The following RIMS4 variants were observed in gnomAD, a reference collection of about 807,000 sequenced individuals.
The protein encoded by RIMS4 is regulating synaptic membrane exocytosis protein 4.
In RIMS4, 9 loss-of-function variants were observed where a neutral mutation model predicts 29.0. That is an observed-to-expected ratio of 0.31 (90% CI 0.19 to 0.54). The LOEUF (loss-of-function observed/expected upper bound fraction) is 0.54, where lower values mean the gene tolerates loss of function less well. Among genes scored for constraint, RIMS4 ranks in the 20% least tolerant of loss-of-function variants. The pLI is 0.94. For synonymous variants in RIMS4, 130 were observed against 152.9 expected, an observed-to-expected ratio of 0.85 and a Z score of 1.10; for missense variants, 193 against 365.7, an observed-to-expected ratio of 0.53 and a Z score of 3.85.
At chr20:44,787,561 G>A (rs900831197) in intron 1 of RIMS4, among the ~76,000 whole-genome samples, 1 of 152,088 alleles carries the variant, frequency 6.6e-6, no homozygotes, top group East Asian at 1.9e-4. Context: ...CTGGCTTGCT[G>A]ATCACACCCT....
chr20:44,756,859 G>A lies in RIMS4; in HGVS notation c.591+39C>T, dbSNP rs780064724. 3.6e-5 allele frequency: 57 copies of A among 1,603,202 alleles called. No individual in the cohort carries two copies. In the East Asian group the frequency reaches 3.8e-4, roughly 11 times the overall value. On this transcript the variant is annotated intron_variant, in intron 5 of 5. Transcript: ENST00000372851. The surrounding 1 kb of genome is among the most constrained non-coding windows in gnomAD (Gnocchi z 5.9). ...ATTCTGGTACTGTGCATGTGTGCTC[G>A]TGCACACACACACACGTGAGCGCGT...
chr20:44,771,449 A>G, intron 1 of RIMS4, 36 bp from the exon 2 acceptor site: 1 of 1,590,596 alleles, frequency 6.3e-7, no homozygotes, highest in African/African-American at 1.3e-5. Context: ...ATGGGAAGAG[A>G]GACACAGGTG....
intron 1 of RIMS4, among the ~76,000 whole-genome samples, chr20:44,802,504 A>C (rs1221062730): frequency 6.6e-6 from 1 of 152,146 alleles, no homozygotes; most frequent in East Asian, 1.9e-4. Context: ...AGGGTCTCTC[A>C]CACCTACATC....
At chr20:44,772,837 C>T (rs867656689) in intron 1 of RIMS4, among the ~76,000 whole-genome samples, 13 of 152,166 alleles carry the variant, frequency 8.5e-5, no homozygotes, top group Admixed American at 6.5e-5. Context: ...GCTGGGCCTG[C>T]GTACAGGAGC....
chr20:44,795,774 G>C (rs2066252339), intron 1 of RIMS4, among the ~76,000 whole-genome samples: 1 of 152,160 alleles, frequency 6.6e-6, no homozygotes, highest in Admixed American at 6.5e-5. Flanking sequence ...TTTACACAGA[G>C]AGAAACAGAA....
At chr20:44,787,329 G>A (rs976469081) in intron 1 of RIMS4, among the ~76,000 whole-genome samples, 2 of 152,094 alleles carry the variant, frequency 1.3e-5, no homozygotes, top group Non-Finnish European at 2.9e-5. Flanking sequence ...TGACAATGAC[G>A]ATGTGATGAT....
chr20:44,796,264 A>T (rs2066254807), intron 1 of RIMS4, among the ~76,000 whole-genome samples: 1 of 151,946 alleles, frequency 6.6e-6, no homozygotes, highest in East Asian at 1.9e-4. Context: ...TCGGATTATT[A>T]GTTGCTTCTT....
chr20:44,773,818 G>A (rs914407260), intron 1 of RIMS4, among the ~76,000 whole-genome samples: 6 of 152,284 alleles, frequency 3.9e-5, no homozygotes, highest in Non-Finnish European at 8.8e-5. Context: ...CAGTCAGAAG[G>A]CCCAGGTATG....
intron 1 of RIMS4, among the ~76,000 whole-genome samples, chr20:44,805,166 G>A (rs2066293360): frequency 6.6e-6 from 1 of 151,916 alleles, no homozygotes; most frequent in South Asian, 2.1e-4. Context: ...ATTAGCCAGG[G>A]GTGGTGGTGC....
At chr20:44,780,590 T>C (rs540268472) in intron 1 of RIMS4, among the ~76,000 whole-genome samples, 2 of 152,330 alleles carry the variant, frequency 1.3e-5, no homozygotes, top group African/African-American at 4.8e-5. Context: ...GCACTCATCA[T>C]TTCATGTAAT....
chr20:44,788,312 G>C (rs1051149745), intron 1 of RIMS4, among the ~76,000 whole-genome samples: 18 of 152,230 alleles, frequency 1.2e-4, no homozygotes, highest in African/African-American at 3.4e-4. Context: ...CCTGTGACTA[G>C]TGGCTACAGT....
chr20:44,757,028 A>C lies in RIMS4; in HGVS notation c.461T>G (p.Ile154Ser). The change falls in exon 5 of 6, where the codon ATC becomes AGC. Residue 154 changes from isoleucine (I) to serine (S), a missense_variant. Physicochemically the swap from Ile to Ser is moderately radical, Grantham distance 142 (BLOSUM62 -2). Transcript: ENST00000372851. ...GCCATTCTCTAGCAGGTAGGCCTTG[A>C]TGTAGGCCGCTGGGGATAGAGGCCA... ...PGSKTLPAAY[I>S]KAYLLENGIC... The C allele has an allele frequency of 6.2e-7, 1 of 1,613,766 alleles. No individual in the cohort carries two copies. Among genetic ancestry groups the C allele is most frequent in the Non-Finnish European group, 8.5e-7 (1 of 1,179,790 alleles).
intron 2 of RIMS4, among the ~76,000 whole-genome samples, chr20:44,768,956 G>A (rs1324882411): frequency 6.6e-6 from 1 of 152,182 alleles, no homozygotes; most frequent in East Asian, 1.9e-4. Flanking sequence ...TCTTTTACAT[G>A]TATTAACATA....
At position 44,756,458 on chromosome 20, in the gene RIMS4, T is replaced by C; in HGVS notation, c.592-106A>G. On this transcript the variant is annotated intron_variant, in intron 5 of 5. Transcript: ENST00000372851. The surrounding 1 kb of genome is among the most constrained non-coding windows in gnomAD (Gnocchi z 5.9). Reference sequence around the variant, plus strand: ...CCCAATCCAGCTCAGTCCTGTGATTTCTACCTCCTTAAAACTGCAATTCCT... The same window carrying C: ...CCCAATCCAGCTCAGTCCTGTGATTCCTACCTCCTTAAAACTGCAATTCCT... The C allele has an allele frequency of 1.1e-6, 1 of 871,472 alleles. No homozygotes were observed. The highest frequency in any genetic ancestry group is 1.8e-6 in the Non-Finnish European group (1 of 555,724). 54.0% of individuals were successfully genotyped at this position (871,472 alleles called of 1,614,324 possible). A position where few individuals can be genotyped will look rare whatever the true frequency, so the allele number is the denominator to read the frequency against.
chr20:44,788,829 A>G (rs1014888170), intron 1 of RIMS4, among the ~76,000 whole-genome samples: 2 of 152,136 alleles, frequency 1.3e-5, no homozygotes, highest in Non-Finnish European at 2.9e-5. Context: ...TGATGCTGAT[A>G]ACAGTGACTG....
At chr20:44,770,123 T>C (rs748432250) in intron 2 of RIMS4, among the ~76,000 whole-genome samples, 3 of 152,136 alleles carry the variant, frequency 2.0e-5, no homozygotes, top group Non-Finnish European at 4.4e-5. Flanking sequence ...GCCTCAGTCT[T>C]CCCATGTGCA....
intron 4 of RIMS4, 78 bp downstream of exon 4, chr20:44,757,592 C>A: frequency 8.3e-7 from 1 of 1,212,066 alleles, no homozygotes. Context: ...AATTTTCTCT[C>A]TTCAAGGCCC....
rs1433152112 is a variant in RIMS4 at position 44,751,884 on chromosome 20, C to G, written c.*4250G>C. 6.6e-6 allele frequency: 1 copy of G among 152,240 alleles called. No homozygotes were observed. The highest frequency in any genetic ancestry group is 1.5e-5 in the Non-Finnish European group (1 of 68,082). 9.4% of individuals were successfully genotyped at this position (152,240 alleles called of 1,614,324 possible). ...CAATGCAACGCGACCCCACTCCAACCCAAGGGCCCCAGAAACCCTCCCTCC... is the reference window on the plus strand; with the variant it reads ...CAATGCAACGCGACCCCACTCCAACGCAAGGGCCCCAGAAACCCTCCCTCC... On this transcript the variant is annotated 3_prime_UTR_variant, in exon 6 of 6. Coordinates refer to ENST00000372851, the MANE Select transcript of RIMS4 (RefSeq NM_182970.4).
chr20:44,781,198 A>T (rs2066182982), intron 1 of RIMS4, among the ~76,000 whole-genome samples: 1 of 152,196 alleles, frequency 6.6e-6, no homozygotes, highest in Non-Finnish European at 1.5e-5. Flanking sequence ...TCAGGGCCAG[A>T]TCCTGTGCGG....
Sources: gnomAD v4.1 joint callset for allele counts (sites outside exome capture counted in the v4.1 genomes callset) on GRCh38, gnomAD v4.1.1 for gene constraint, Gnocchi (gnomAD v3.1) non-coding constraint, MANE v1.5 for transcripts, NCBI Gene and HGNC (gene_info 2026-07-23, HGNC 2026-07-21) for gene names.